Variants in SLC13A1 observed in about 807,000 individuals in gnomAD.
SLC13A1 encodes the protein solute carrier family 13 member 1.
Under a neutral mutation model 70.0 loss-of-function variants are expected in SLC13A1, and 65 were observed. The observed-to-expected ratio is 0.93, with a 90% CI of 0.76 to 1.14. SLC13A1 has a LOEUF of 1.14. Ranked by LOEUF, SLC13A1 falls within the 50% of genes most tolerant of loss-of-function variation. The pLI, the probability that SLC13A1 is intolerant of heterozygous loss-of-function variation, is 0.00. For synonymous variants in SLC13A1, 275 were observed against 250.5 expected, an observed-to-expected ratio of 1.10 and a Z score of -0.92; for missense variants, 726 against 717.8, an observed-to-expected ratio of 1.01 and a Z score of -0.13.
intron 6 of SLC13A1, among the ~76,000 whole-genome samples, chr7:123,155,155 A>G (rs891277898): frequency 9.9e-5 from 15 of 152,008 alleles, no homozygotes; most frequent in Non-Finnish European, 1.8e-4. Context: ...GATGACATTT[A>G]GTGAGTCCTT....
At chr7:123,173,497 A>G (rs1795341620) in intron 2 of SLC13A1, among the ~76,000 whole-genome samples, 1 of 152,180 alleles carries the variant, frequency 6.6e-6, no homozygotes, top group South Asian at 2.1e-4. Context: ...CAGAGTATAT[A>G]TTAATAAATG....
intron 1 of SLC13A1, among the ~76,000 whole-genome samples, chr7:123,194,391 T>C (rs1796106422): frequency 6.6e-6 from 1 of 152,058 alleles, no homozygotes; most frequent in African/African-American, 2.4e-5. Context: ...ATGTGGGAGA[T>C]AGATACTGGG....
intron 2 of SLC13A1, among the ~76,000 whole-genome samples, chr7:123,175,672 G>C: frequency 6.6e-6 from 1 of 152,120 alleles, no homozygotes; most frequent in Non-Finnish European, 1.5e-5. Flanking sequence ...ACAGCCTCCA[G>C]AACTGTGAGC....
chr7:123,180,280 T>C (rs528815367), intron 2 of SLC13A1, among the ~76,000 whole-genome samples: 1 of 152,194 alleles, frequency 6.6e-6, no homozygotes, highest in Admixed American at 6.5e-5. Flanking sequence ...AAGAGAGCAA[T>C]GTTAGACCCA....
intron 1 of SLC13A1, chr7:123,190,463 C>A: frequency 2.4e-6 from 1 of 423,424 alleles, no homozygotes; most frequent in Non-Finnish European, 4.7e-6. Flanking sequence ...CTCACCTGGG[C>A]TGAGTACAAG....
chr7:123,194,357 G>C (rs1585414988), intron 1 of SLC13A1, among the ~76,000 whole-genome samples: 1 of 152,184 alleles, frequency 6.6e-6, no homozygotes, highest in East Asian at 1.9e-4. Context: ...AAATAGTGAA[G>C]TATTGTTAAA....
chr7:123,184,627 GTC>G (rs1795741039), intron 1 of SLC13A1, among the ~76,000 whole-genome samples: 1 of 151,730 alleles, frequency 6.6e-6, no homozygotes, highest in Middle Eastern at 3.4e-3. Context: ...TTCTGTCTCT[GTC>G]TCTCTCTCTC....
chr7:123,136,729 A>T (rs1793960547), intron 7 of SLC13A1, among the ~76,000 whole-genome samples: 1 of 152,186 alleles, frequency 6.6e-6, no homozygotes, highest in Admixed American at 6.5e-5. Context: ...ACAGGTAAAC[A>T]TATAACAAAA....
intron 1 of SLC13A1, among the ~76,000 whole-genome samples, chr7:123,190,822 TTTTG>T (rs1241163382): frequency 6.6e-6 from 1 of 152,142 alleles, no homozygotes; most frequent in African/African-American, 2.4e-5. Flanking sequence ...CTATTGAGGA[TTTTG>T]TTTGTTTTTT....
At position 123,199,856 on chromosome 7, in the gene SLC13A1, G is replaced by A. The variant is rs1196828963; in HGVS notation, c.91C>T (p.His31Tyr). 3.1e-6 allele frequency: 5 copies of A among 1,610,260 alleles called. No homozygotes were observed. In the African/African-American group the frequency reaches 5.3e-5, roughly 17 times the overall value. The change falls in exon 1 of 15, where the codon CAC becomes TAC. Residue 31 changes from histidine (H) to tyrosine (Y), a missense_variant. His to Tyr is a moderately conservative substitution (Grantham distance 83). Transcript: ENST00000194130. ...TCTCCAGGTTCACTCACCTTGGTGT[G>A]GAGGACGATGGGCAGAGGTAGTAAA... The part of the protein sequence containing the change: ...LVLLPLPIVL[H>Y]TKEAECAYTL...
At position 123,114,193 on chromosome 7, in the gene SLC13A1, G is replaced by A. The variant is rs1467859394; in HGVS notation, c.*1325C>T. On this transcript the variant is annotated 3_prime_UTR_variant, in exon 15 of 15. Coordinates refer to ENST00000194130, the MANE Select transcript of SLC13A1 (RefSeq NM_022444.4). ...ATAACATCTGCATCTTTTGCTAACT[G>A]TGCACCTTACTTTGTTTTTGATCAT... The A allele has an allele frequency of 2.0e-5, 3 of 150,102 alleles. No homozygotes were observed. Among genetic ancestry groups the A allele is most frequent in the South Asian group, 2.1e-4 (1 of 4,756 alleles). The allele number at this position is 150,102 out of a possible 1,614,324, so 9.3% of individuals were successfully genotyped here. A position where few individuals can be genotyped will look rare whatever the true frequency, so the allele number is the denominator to read the frequency against.
rs1793154409 is a variant in SLC13A1, at chr7:123,115,624, C to A, written c.1682G>T (p.Gly561Val). The change falls in exon 15 of 15, where the codon GGT becomes GTT. Residue 561 changes from glycine to valine, a missense_variant. Coordinates refer to ENST00000194130, the MANE Select transcript of SLC13A1 (RefSeq NM_022444.4). Reference protein sequence around the residue: ...VKAGLGVNIVGVAVVMLGICT... With the variant: ...VKAGLGVNIVVVAVVMLGICT... Reference sequence around the variant, plus strand: ...TATGCCAAGCATAACCACAGCAACACCAACAATGTTGACACCAAGTCCAGC... The same window carrying A: ...TATGCCAAGCATAACCACAGCAACAACAACAATGTTGACACCAAGTCCAGC... The A allele has an allele frequency of 6.2e-7, 1 of 1,613,836 alleles. No homozygotes were observed. The highest frequency in any genetic ancestry group is 2.2e-5 in the East Asian group (1 of 44,860).
At chr7:123,197,602 C>T (rs1216162307) in intron 1 of SLC13A1, among the ~76,000 whole-genome samples, 1 of 151,876 alleles carries the variant, frequency 6.6e-6, no homozygotes, top group African/African-American at 2.4e-5. Flanking sequence ...TTTAAAGTGG[C>T]CAAAAAATAA....
At chr7:123,172,126 G>T (rs1035945268) in intron 2 of SLC13A1, among the ~76,000 whole-genome samples, 6 of 152,136 alleles carry the variant, frequency 3.9e-5, no homozygotes, top group African/African-American at 1.4e-4. Context: ...AGAGTACTCA[G>T]GGTTATTAAA....
At chr7:123,175,646 C>G (rs1795422266) in intron 2 of SLC13A1, among the ~76,000 whole-genome samples, 1 of 152,106 alleles carries the variant, frequency 6.6e-6, no homozygotes, top group Admixed American at 6.6e-5. Flanking sequence ...CTGCCAGTGC[C>G]TTGATCTTGG....
chr7:123,197,632 G>A (rs1261222257), intron 1 of SLC13A1, among the ~76,000 whole-genome samples: 3 of 152,056 alleles, frequency 2.0e-5, no homozygotes, highest in Non-Finnish European at 4.4e-5. Flanking sequence ...ATTATACTAG[G>A]AATAAATCCT....
At chr7:123,170,875 G>A (rs1299595828) in intron 3 of SLC13A1, among the ~76,000 whole-genome samples, 5 of 151,724 alleles carry the variant, frequency 3.3e-5, no homozygotes, top group Admixed American at 2.6e-4. Context: ...CACCGTGCCC[G>A]GCCGAGATAA....
At chr7:123,127,541 TTAAA>T (rs1171890309) in intron 10 of SLC13A1, among the ~76,000 whole-genome samples, 1 of 152,098 alleles carries the variant, frequency 6.6e-6, no homozygotes, top group Non-Finnish European at 1.5e-5. Context: ...AAAATATTAA[TTAAA>T]TATTACATAA....
At chr7:123,169,697 T>A (rs1585370795) in intron 3 of SLC13A1, among the ~76,000 whole-genome samples, 1 of 152,202 alleles carries the variant, frequency 6.6e-6, no homozygotes, top group African/African-American at 2.4e-5. Flanking sequence ...CCACTTATCT[T>A]CAAATGCTAT....
Sources: gnomAD v4.1 joint callset for allele counts (sites outside exome capture counted in the v4.1 genomes callset) on GRCh38, gnomAD v4.1.1 for gene constraint, MANE v1.5 for transcripts, NCBI Gene and HGNC (gene_info 2026-07-23, HGNC 2026-07-21) for gene names.